Variants in CFAP54 observed in about 807,000 individuals in gnomAD.
CFAP54 encodes the protein cilia- and flagella-associated protein 54.
In CFAP54, 290 loss-of-function variants were observed where a neutral mutation model predicts 370.4. The ratio of observed to expected loss-of-function variants is 0.78; its 90% CI spans 0.71 to 0.86. The LOEUF (loss-of-function observed/expected upper bound fraction) is 0.86. Ranked by LOEUF, CFAP54 falls within the 40% of genes least tolerant of loss-of-function variation. CFAP54 has a pLI of 0.00. For synonymous variants in CFAP54, 1,206 were observed against 1,236.5 expected (o/e 0.98, Z 0.52); for missense variants, 3,399 against 3,528.7 (o/e 0.96, Z 0.93).
chr12:96,733,003 A>T (rs1335181586), intron 50 of CFAP54, among the ~76,000 whole-genome samples: 1 of 151,860 alleles, frequency 6.6e-6, no homozygotes, highest in African/African-American at 2.4e-5. Flanking sequence ...CTTTTTGGGG[A>T]GGAAGAATGA....
At chr12:96,612,843 C>T (rs1242607503) in intron 26 of CFAP54, among the ~76,000 whole-genome samples, 3 of 152,134 alleles carry the variant, frequency 2.0e-5, no homozygotes, top group Non-Finnish European at 2.9e-5. Context: ...TATATGCACC[C>T]AATACAGAAG....
Position 96,644,289 on chromosome 12 carries a change from A to C in CFAP54, c.4428A>C (p.Glu1476Asp), listed in dbSNP as rs1956766279. 6.5e-7 allele frequency: 1 copy of C among 1,535,848 alleles called. No individual in the cohort carries two copies. Among genetic ancestry groups the C allele is most frequent in the East Asian group, 2.4e-5 (1 of 40,908 alleles). ...AGAGGTTCCATCGTCTATCACTTGA[A>C]GAGATGCCCTGGAGAGCTCAGATGA... ...KRKRFHRLSLEEMPWRAQMNL... is the reference protein window; with the variant it reads ...KRKRFHRLSLDEMPWRAQMNL... Residue 1476 changes from glutamate to aspartate, a missense_variant, in exon 33 of 68, where the codon GAA becomes GAC. This residue lies in a region of CFAP54 where 2,796 missense variants were observed against 2,869.7 expected (regional missense o/e 0.97). Transcript: ENST00000524981.
chr12:96,734,003 G>A (rs370359908), intron 50 of CFAP54, among the ~76,000 whole-genome samples: 1 of 152,170 alleles, frequency 6.6e-6, no homozygotes, highest in South Asian at 2.1e-4. Context: ...GGGAGGAAGA[G>A]TGTGGGGAGG....
At chr12:96,839,073 C>G (rs1959196037) in intron 66 of CFAP54, among the ~76,000 whole-genome samples, 1 of 152,114 alleles carries the variant, frequency 6.6e-6, no homozygotes, top group Admixed American at 6.5e-5. Context: ...GAGTTAGAAC[C>G]CGGATTTGTG....
At position 96,614,808 on chromosome 12, in the gene CFAP54, G is replaced by T. The variant is rs1444680558; in HGVS notation, c.3640-6782G>T. ...CCTAGAAATACAACTTACAAGGGATGTGAAGGACCTCTTCAAGGAGAACTA... is the reference window on the plus strand; with the variant it reads ...CCTAGAAATACAACTTACAAGGGATTTGAAGGACCTCTTCAAGGAGAACTA... On this transcript the variant is annotated intron_variant, in intron 26 of 67. Transcript: ENST00000524981. 3.9e-5 allele frequency among the ~76,000 whole-genome samples: 6 copies of T among 152,078 alleles called. No homozygotes were observed. The East Asian group carries it at 1.2e-3, about 29-fold the overall frequency.
chr12:96,647,471 C>CGAAAAAAAAAAAAAAAAA (rs1167008566), intron 33 of CFAP54, among the ~76,000 whole-genome samples: 2 of 10,688 alleles, frequency 1.9e-4, no homozygotes, highest in Non-Finnish European at 2.5e-4. Flanking sequence ...AGACTCTGTC[C>CGAAAAAAAAAAAAAAAAA]CAAAAAAAAA....
rs781381786 is a variant in CFAP54, at chr12:96,589,394, A to T, written c.3076-33A>T. 5.4e-6 allele frequency: 8 copies of T among 1,468,356 alleles called. No individual in the cohort carries two copies. The African/African-American group carries it at 1.1e-4, about 21-fold the overall frequency. The allele number at this position is 1,468,356 out of a possible 1,614,324, so 91.0% of individuals were successfully genotyped here. On this transcript the variant is annotated intron_variant, in intron 22 of 67. Coordinates refer to ENST00000524981, the MANE Select transcript of CFAP54 (RefSeq NM_001306084.2). Reference sequence around the variant, plus strand: ...GTTTAAAACATTCATTCACGAATAAAACTATTACATAAATATGTGCTTTTT... The same window carrying T: ...GTTTAAAACATTCATTCACGAATAATACTATTACATAAATATGTGCTTTTT...
intron 63 of CFAP54, among the ~76,000 whole-genome samples, chr12:96,792,994 C>G (rs918786254): frequency 1.3e-5 from 2 of 151,846 alleles, no homozygotes; most frequent in African/African-American, 4.8e-5. Context: ...ATTAAATTTT[C>G]ACCTCTGTTT....
At chr12:96,669,272 G>A (rs776095653) in intron 39 of CFAP54, among the ~76,000 whole-genome samples, 5 of 152,198 alleles carry the variant, frequency 3.3e-5, no homozygotes, top group African/African-American at 7.2e-5. Context: ...GGAGAACTGA[G>A]GGGAGCTAGT....
intron 67 of CFAP54, among the ~76,000 whole-genome samples, chr12:96,861,235 C>T (rs1198477439): frequency 5.3e-5 from 8 of 152,078 alleles, no homozygotes; most frequent in South Asian, 2.1e-4. Flanking sequence ...TTGGACAGGT[C>T]CATAAAGCAA....
At chr12:96,745,514 T>A (rs1284343546) in intron 55 of CFAP54, among the ~76,000 whole-genome samples, 3 of 128,306 alleles carry the variant, frequency 2.3e-5, no homozygotes, top group Admixed American at 7.7e-5. Flanking sequence ...CCTTTGCCCA[T>A]TTTTTAATGT....
chr12:96,732,554 T>A (rs1181786120), intron 50 of CFAP54, among the ~76,000 whole-genome samples: 1 of 152,186 alleles, frequency 6.6e-6, no homozygotes, highest in Non-Finnish European at 1.5e-5. Context: ...ATGTAATAGG[T>A]TTACTATTTT....
intron 60 of CFAP54, among the ~76,000 whole-genome samples, chr12:96,769,924 CAG>C (rs565198573): frequency 3.7e-4 from 56 of 152,280 alleles, no homozygotes; most frequent in African/African-American, 1.3e-3. Flanking sequence ...CCTCTTGAAA[CAG>C]AGCAAACCTT....
At chr12:96,666,512 G>A (rs1957082177) in intron 39 of CFAP54, among the ~76,000 whole-genome samples, 2 of 152,188 alleles carry the variant, frequency 1.3e-5, no homozygotes, top group Non-Finnish European at 1.5e-5. Flanking sequence ...ACACAATCAC[G>A]GAAGAAGGCA....
intron 50 of CFAP54, among the ~76,000 whole-genome samples, chr12:96,729,328 TC>T (rs1244844596): frequency 5.3e-5 from 8 of 152,244 alleles, no homozygotes; most frequent in Non-Finnish European, 8.8e-5. Flanking sequence ...TGTGGTGGGC[TC>T]CACCCTGTTC....
chr12:96,867,490 A>G lies in CFAP54; in HGVS notation c.*14+6538A>G, dbSNP rs147218169. ...CAGCATTACTCTCAATAGCCAGGATATGGAATCAACGTAAGTCTCCATCAG... is the reference window on the plus strand; with the variant it reads ...CAGCATTACTCTCAATAGCCAGGATGTGGAATCAACGTAAGTCTCCATCAG... On this transcript the variant is annotated intron_variant, in intron 67 of 67. Transcript: ENST00000524981. Among the ~76,000 whole-genome samples the G allele has an allele frequency of 3.0e-4, 45 of 152,312 alleles. No homozygotes were observed. The East Asian group carries it at 8.7e-3, about 29-fold the overall frequency.
At chr12:96,859,393 G>T (rs113597373) in intron 66 of CFAP54, among the ~76,000 whole-genome samples, 1 of 59,518 alleles carries the variant, frequency 1.7e-5, no homozygotes, top group Non-Finnish European at 4.0e-5. Flanking sequence ...TGCACTTTTT[G>T]TTTGTTTGTT....
intron 27 of CFAP54, among the ~76,000 whole-genome samples, chr12:96,621,961 C>T (rs1956500676): frequency 7.4e-6 from 1 of 135,074 alleles, no homozygotes; most frequent in South Asian, 2.5e-4. Flanking sequence ...TGAATAGTCC[C>T]CATCACCAGT....
chr12:96,706,960 T>C (rs1474074208), intron 47 of CFAP54, among the ~76,000 whole-genome samples: 5 of 152,150 alleles, frequency 3.3e-5, no homozygotes, highest in African/African-American at 9.7e-5. Context: ...GCGAAAAAGT[T>C]GTGATTTCAT....
Sources: gnomAD v4.1 joint callset for allele counts (sites outside exome capture counted in the v4.1 genomes callset) on GRCh38, gnomAD v4.1.1 for gene constraint, gnomAD v4.1.1 regional missense constraint, MANE v1.5 for transcripts, NCBI Gene and HGNC (gene_info 2026-07-23, HGNC 2026-07-21) for gene names.